DNAH17: variants seen among roughly 807,000 people sequenced by gnomAD.
DNAH17 encodes the protein axonemal beta dynein heavy chain 17.
In DNAH17, 376 loss-of-function variants were observed where a neutral mutation model predicts 485.6. That is an observed-to-expected ratio of 0.77 (90% CI 0.71 to 0.84). DNAH17 has a LOEUF of 0.84. Ranked by LOEUF, DNAH17 falls within the 40% of genes least tolerant of loss-of-function variation. DNAH17 has a pLI of 0.00. For synonymous variants in DNAH17, 3,031 were observed against 2,405.9 expected, an observed-to-expected ratio of 1.26 and a Z score of -7.60; for missense variants, 6,370 against 5,839.3, an observed-to-expected ratio of 1.09 and a Z score of -2.96.
At chr17:78,444,369 A>G (rs2087191861) in intron 71 of DNAH17, among the ~76,000 whole-genome samples, 1 of 152,240 alleles carries the variant, frequency 6.6e-6, no homozygotes, top group South Asian at 2.1e-4. Flanking sequence ...AGGATTAACA[A>G]GAACTCAGGA....
In DNAH17 at chr17:78,531,810, A is replaced by G. The variant is rs571106249; in HGVS notation, c.3114+672T>C. Among the ~76,000 whole-genome samples, 206 of 152,308 alleles carry G rather than the reference A, an allele frequency of 1.4e-3. 1 individual carries two copies. The highest frequency in any genetic ancestry group is 1.6e-3 in the Non-Finnish European group (108 of 68,028). ...TTACCTTCATCCATTCAGACAATCT[A>G]TATCTTTTAAGTGGGGAATTGAATC... On this transcript the variant is annotated intron_variant, in intron 20 of 80. Coordinates refer to ENST00000389840, the MANE Select transcript of DNAH17 (RefSeq NM_173628.4).
Position 78,475,328 on chromosome 17 carries a change from C to G in DNAH17, c.8461G>C (p.Asp2821His). The stretch of plus-strand genomic sequence containing the variant: ...TTCTTGAGGGTGATCTGAAACACGT[C>G]AAGCCCGCTGATGTACGCTGCCAGG... ...SRLAAYISGL[D>H]VFQITLKKGY... The change falls in exon 54 of 81, where the codon GAC becomes CAC. Residue 2821 changes from aspartate to histidine, a missense_variant. Asp to His is a moderately conservative substitution (Grantham distance 81). Transcript: ENST00000389840. The G allele has an allele frequency of 6.2e-7, 1 of 1,614,010 alleles. No individual in the cohort carries two copies. The highest frequency in any genetic ancestry group is 2.2e-5 in the East Asian group (1 of 44,888).
chr17:78,428,563 C>CTA lies in DNAH17; in HGVS notation c.12549_12550insTA (p.Asp4184Ter), dbSNP rs1568037426. On this transcript the variant is annotated frameshift_variant, in exon 77 of 81. Coordinates refer to ENST00000389840, the MANE Select transcript of DNAH17 (RefSeq NM_173628.4). LOFTEE classifies it high-confidence loss of function. ...GACACTCCCGTGCCTGCCCCCGAGT[C>CTA]CGTCTCTTTTGGCTGCATTTCCAGG... The CTA allele has an allele frequency of 4.3e-6, 7 of 1,613,656 alleles. No individual in the cohort carries two copies. The Admixed American group carries it at 6.7e-5, about 15-fold the overall frequency.
At chr17:78,480,013 C>CTTTTTTTTTTTTTT (rs370344478) in intron 49 of DNAH17, among the ~76,000 whole-genome samples, 2 of 70,518 alleles carry the variant, frequency 2.8e-5, no homozygotes, top group African/African-American at 8.5e-5. Flanking sequence ...ACAACAAGTA[C>CTTTTTTTTTTTTTT]TTTTTTTTTT....
In DNAH17 at chr17:78,568,086, G is replaced by A. The variant is rs137936702; in HGVS notation, c.1285-920C>T. Among the ~76,000 whole-genome samples the A allele has an allele frequency of 8.6e-4, 131 of 152,256 alleles. 1 individual carries two copies. The highest frequency in any genetic ancestry group is 2.9e-3 in the African/African-American group (119 of 41,522). ...GGAGCTCTTGGCTCTTCCACCCGAC[G>A]CGGAGGACACAGACAAGCTGGCATG... On this transcript the variant is annotated intron_variant, in intron 9 of 80. Coordinates refer to ENST00000389840, the MANE Select transcript of DNAH17 (RefSeq NM_173628.4).
rs1568269790 is a variant in DNAH17, at chr17:78,569,205, G to A, written c.1245C>T (p.Ser415=). The A allele has an allele frequency of 6.2e-7, 1 of 1,608,906 alleles. No individual in the cohort carries two copies. Among genetic ancestry groups the A allele is most frequent in the African/African-American group, 1.3e-5 (1 of 74,858 alleles). Residue 415 remains serine (S), a synonymous_variant, in exon 9 of 81, where the codon TCC becomes TCT. Coordinates refer to ENST00000389840, the MANE Select transcript of DNAH17 (RefSeq NM_173628.4). ...TGCGCTGGAAGAAGGAATTTATCCT[G>A]GAAAAGGCAAGAGAAGAAGGGAATT... is the stretch of plus-strand genomic sequence containing the variant. The part of the protein sequence containing the change: ...PWEFPSSLAF[S]RINSFFQRIQ...
chr17:78,464,747 C>T (rs1309282691), intron 56 of DNAH17, among the ~76,000 whole-genome samples: 1 of 152,224 alleles, frequency 6.6e-6, no homozygotes, highest in Non-Finnish European at 1.5e-5. Flanking sequence ...GCTGCATGTC[C>T]TCAGCCTTCC....
At chr17:78,534,729 T>C (rs541428025) in intron 19 of DNAH17, among the ~76,000 whole-genome samples, 1 of 152,316 alleles carries the variant, frequency 6.6e-6, no homozygotes, top group East Asian at 1.9e-4. Context: ...CAGCCTGGCA[T>C]ACCAGAGGCA....
At chr17:78,441,027 A>C in intron 72 of DNAH17, 24 bp downstream of exon 72, 1 of 1,558,424 alleles carries the variant, frequency 6.4e-7, no homozygotes, top group South Asian at 1.2e-5. Context: ...GTCTTTGAGA[A>C]CATCACTTGC....
At chr17:78,449,777 T>G in intron 68 of DNAH17, 193 bp from the exon 69 acceptor site, 1 of 576,450 alleles carries the variant, frequency 1.7e-6, no homozygotes, top group Non-Finnish European at 3.1e-6. Flanking sequence ...GTGAGGGAGG[T>G]TGCAGTGTTC....
intron 41 of DNAH17, chr17:78,493,012 G>T: frequency 3.1e-6 from 1 of 324,178 alleles, no homozygotes; most frequent in African/African-American, 2.2e-5. Flanking sequence ...GACCACACCC[G>T]GCTAATTTTT....
chr17:78,567,515 G>A (rs979907979), intron 9 of DNAH17, among the ~76,000 whole-genome samples: 2 of 152,180 alleles, frequency 1.3e-5, no homozygotes, highest in African/African-American at 4.8e-5. Context: ...TTTCTCCGCT[G>A]TGGGAAGCGG....
chr17:78,437,623 G>C lies in DNAH17; in HGVS notation c.12033+18C>G, dbSNP rs769823873. 1 of 1,583,704 alleles carries C rather than the reference G, an allele frequency of 6.3e-7. No homozygotes were observed. The highest frequency in any genetic ancestry group is 8.6e-7 in the Non-Finnish European group (1 of 1,162,708). ...GTGGCATGGGATGGGGAGGCAGCCCGAGCAGGCGTGGCCCTACCTGGGTGA... is the reference window on the plus strand; with the variant it reads ...GTGGCATGGGATGGGGAGGCAGCCCCAGCAGGCGTGGCCCTACCTGGGTGA... On this transcript the variant is annotated intron_variant, in intron 74 of 80. Coordinates refer to ENST00000389840, the MANE Select transcript of DNAH17 (RefSeq NM_173628.4).
Position 78,525,027 on chromosome 17 carries a change from G to T in DNAH17, c.3846C>A (p.Leu1282=). The part of the protein sequence containing the change: ...CHREVRLLKE[L]WDMVVVVNTS... ...CACTCACCACAACAACCATGTCCCA[G>T]AGCTCCTTCAGTAGGCGGACCTCCC... Residue 1282 remains leucine, a synonymous_variant, in exon 25 of 81, where the codon CTC becomes CTA. Coordinates refer to ENST00000389840, the MANE Select transcript of DNAH17 (RefSeq NM_173628.4). 1.9e-6 allele frequency: 3 copies of T among 1,613,474 alleles called. No homozygotes were observed. Among genetic ancestry groups the T allele is most frequent in the Non-Finnish European group, 2.5e-6 (3 of 1,179,634 alleles).
chr17:78,468,607 G>C lies in DNAH17; in HGVS notation c.8778+10C>G, dbSNP rs186640628. The stretch of plus-strand genomic sequence containing the variant: ...GGCTCTTGAGGCCCTGCCGAAGACG[G>C]GAGCCCCACCTTGAGCTGTCTGCGC... On this transcript the variant is annotated intron_variant, in intron 55 of 80. Transcript: ENST00000389840. 8.7e-6 allele frequency: 14 copies of C among 1,609,404 alleles called. No individual in the cohort carries two copies. In the East Asian group the frequency reaches 2.0e-4, roughly 23 times the overall value.
At chr17:78,439,850 A>G (rs2087000354) in intron 72 of DNAH17, among the ~76,000 whole-genome samples, 1 of 150,980 alleles carries the variant, frequency 6.6e-6, no homozygotes, top group Non-Finnish European at 1.5e-5. Context: ...TTGTATTTTT[A>G]GTAGAGATGG....
intron 26 of DNAH17, among the ~76,000 whole-genome samples, chr17:78,511,622 C>T (rs775432952): frequency 6.6e-6 from 1 of 152,250 alleles, no homozygotes; most frequent in African/African-American, 2.4e-5. Flanking sequence ...CTTCCCAAAT[C>T]GCTTCCACGT....
At chr17:78,567,418 G>A (rs1230180943) in intron 9 of DNAH17, among the ~76,000 whole-genome samples, 1 of 152,118 alleles carries the variant, frequency 6.6e-6, no homozygotes, top group Non-Finnish European at 1.5e-5. Context: ...AGGAGGAGCT[G>A]GAGAGGATAA....
intron 13 of DNAH17, among the ~76,000 whole-genome samples, chr17:78,560,148 AGACAGCTCTCT>A (rs1361265020): frequency 2.4e-4 from 35 of 148,832 alleles, no homozygotes; most frequent in Admixed American, 2.0e-3. Context: ...AGGGCAGGAC[AGACAGCTCTCT>A]GACTGTCTGG....
Sources: allele counts gnomAD v4.1 joint callset (sites outside exome capture counted in the v4.1 genomes callset), GRCh38; gene constraint gnomAD v4.1.1; transcripts MANE v1.5; gene names NCBI Gene and HGNC (gene_info 2026-07-23, HGNC 2026-07-21).